The following PTBP3 variants were observed in gnomAD, a reference collection of about 807,000 sequenced individuals.
PTBP3 encodes polypyrimidine tract binding protein 3.
In PTBP3, 20 loss-of-function variants were observed where a neutral mutation model predicts 58.7. The ratio of observed to expected loss-of-function variants is 0.34; its 90% CI spans 0.24 to 0.50. The LOEUF is 0.50. PTBP3 is among the 20% of genes least tolerant of loss of function. The pLI is 0.98. For missense variants in PTBP3, 509 were observed against 637.2 expected, an observed-to-expected ratio of 0.80 and a Z score of 2.17; for synonymous variants, 185 against 219.8, an observed-to-expected ratio of 0.84 and a Z score of 1.40.
chr9:112,340,893 TA>T, the PTBP3 span, among the ~76,000 whole-genome samples: 2 of 73,634 alleles, frequency 2.7e-5, no homozygotes, highest in Admixed American at 1.3e-4. Context: ...AAAAAATAAA[TA>T]AAATAAAATA....
At chr9:112,310,447 C>A (rs920680467) in intron 1 of PTBP3, among the ~76,000 whole-genome samples, 2 of 152,188 alleles carry the variant, frequency 1.3e-5, no homozygotes, top group Non-Finnish European at 2.9e-5. Flanking sequence ...TCTTACCATA[C>A]AGGTATAGCC....
At chr9:112,360,125 C>T in the PTBP3 span, among the ~76,000 whole-genome samples, 6 of 152,296 alleles carry the variant, frequency 3.9e-5, no homozygotes, top group African/African-American at 1.4e-4. Context: ...AGGCACAGCT[C>T]GGAGTTCTAC....
At chr9:112,359,505 G>A in the PTBP3 span, among the ~76,000 whole-genome samples, 1 of 150,422 alleles carries the variant, frequency 6.6e-6, no homozygotes, top group South Asian at 2.1e-4. Context: ...TACTAGGTAA[G>A]CCAAAGACAG....
intron 1 of PTBP3, among the ~76,000 whole-genome samples, chr9:112,323,425 T>G (rs780578997): frequency 1.1e-4 from 17 of 152,160 alleles, no homozygotes; most frequent in Non-Finnish European, 1.9e-4. Context: ...AAGCTTTTCT[T>G]TTCTCAAAAA....
intron 3 of PTBP3, among the ~76,000 whole-genome samples, chr9:112,270,863 G>A (rs1827356148): frequency 6.6e-6 from 1 of 152,148 alleles, no homozygotes; most frequent in Non-Finnish European, 1.5e-5. Flanking sequence ...TGTAGCCCAG[G>A]CTGGAGAGCA....
At chr9:112,280,596 A>C (rs766814366) in intron 2 of PTBP3, among the ~76,000 whole-genome samples, 1 of 152,168 alleles carries the variant, frequency 6.6e-6, no homozygotes, top group Non-Finnish European at 1.5e-5. Context: ...TCACAAAAGG[A>C]GTTGAATTCT....
rs77807419 is a variant in PTBP3, at chr9:112,321,833, G to A, written c.-52+11637C>T. On this transcript the variant is annotated intron_variant, in intron 1 of 13. Transcript: ENST00000374257. ...TACTTCCCTAGGCTTTACCCTCCAG[G>A]AACCCTACACCAAGTTCTCAAGGTG... 6.4e-4 allele frequency among the ~76,000 whole-genome samples: 97 copies of A among 152,100 alleles called. 1 individual carries two copies. In the East Asian group the frequency reaches 0.015, roughly 24 times the overall value.
In PTBP3 at chr9:112,252,787, A is replaced by G; in HGVS notation, c.518T>C (p.Ile173Thr). ...YPVTLEVLHQ[I>T]FSKFGTVLKI... ...CAAGACTGTGCCAAATTTAGAAAATATCTGGAAAACAGTTCACATTAGGTT... is the reference window on the plus strand; with the variant it reads ...CAAGACTGTGCCAAATTTAGAAAATGTCTGGAAAACAGTTCACATTAGGTT... Residue 173 changes from isoleucine to threonine, a missense_variant and splice_region_variant, in exon 6 of 14, where the codon ATA becomes ACA. Ile to Thr is a moderately conservative substitution (Grantham distance 89, BLOSUM62 -1). This residue lies in a region of PTBP3 where 212 missense variants were observed against 215.3 expected (regional missense o/e 0.98). Transcript: ENST00000374257. 6.4e-7 allele frequency: 1 copy of G among 1,551,338 alleles called. No homozygotes were observed. Among genetic ancestry groups the G allele is most frequent in the Non-Finnish European group, 8.9e-7 (1 of 1,125,112 alleles).
intron 2 of PTBP3, among the ~76,000 whole-genome samples, chr9:112,283,307 G>A (rs1488509439): frequency 2.0e-5 from 3 of 152,178 alleles, no homozygotes; most frequent in Non-Finnish European, 4.4e-5. Flanking sequence ...GGAAACTTTG[G>A]AACTTCCTAG....
chr9:112,309,799 A>AAT (rs1564453723), intron 1 of PTBP3, among the ~76,000 whole-genome samples: 2 of 151,436 alleles, frequency 1.3e-5, no homozygotes, highest in African/African-American at 4.9e-5. Context: ...AAAAAAAAAA[A>AAT]AAAAATTGAG....
rs954046916 is a variant in PTBP3, at chr9:112,222,869, C to A, written c.*982G>T. ...TTAGAGATTATAGTGGTACAAAAAA[C>A]CCTTGAGATTAATTTTTTTCTAAAA... On this transcript the variant is annotated 3_prime_UTR_variant, in exon 14 of 14. Coordinates refer to ENST00000374257, the MANE Select transcript of PTBP3 (RefSeq NM_001163788.4). 3 of 890,630 alleles carry A rather than the reference C, an allele frequency of 3.4e-6. No individual in the cohort carries two copies. In the African/African-American group the frequency reaches 5.4e-5, roughly 16 times the overall value. 55.2% of individuals were successfully genotyped at this position (890,630 alleles called of 1,614,324 possible).
At chr9:112,262,668 G>A (rs1836648223) in intron 4 of PTBP3, 69 bp from the exon 5 acceptor site, 5 of 1,374,990 alleles carry the variant, frequency 3.6e-6, no homozygotes, top group Admixed American at 3.0e-5. Flanking sequence ...AAATTTAGTT[G>A]ACATAAAACA....
chr9:112,251,852 G>A (rs574866876), intron 6 of PTBP3, among the ~76,000 whole-genome samples: 10 of 152,040 alleles, frequency 6.6e-5, no homozygotes, highest in Non-Finnish European at 8.8e-5. Context: ...GTATGCCATC[G>A]TAAAGGTACA....
the PTBP3 span, among the ~76,000 whole-genome samples, chr9:112,355,768 C>A: frequency 2.0e-5 from 3 of 151,726 alleles, no homozygotes; most frequent in African/African-American, 7.2e-5. Context: ...TACAGGCATG[C>A]GCCACCGCGC....
intron 1 of PTBP3, among the ~76,000 whole-genome samples, chr9:112,333,185 G>A (rs1473822343): frequency 3.3e-5 from 5 of 152,154 alleles, no homozygotes; most frequent in Admixed American, 1.3e-4. Context: ...CACCGCGGCC[G>A]GACCGGGCTT....
chr9:112,234,933 C>T (rs1489877494), intron 7 of PTBP3, 36 bp from the exon 8 acceptor site: 23 of 1,523,066 alleles, frequency 1.5e-5, no homozygotes, highest in Middle Eastern at 1.7e-4. Flanking sequence ...AACACACTAC[C>T]TTCTATAAAT....
At chr9:112,248,232 A>G (rs1208527012) in intron 7 of PTBP3, among the ~76,000 whole-genome samples, 1 of 152,226 alleles carries the variant, frequency 6.6e-6, no homozygotes, top group Non-Finnish European at 1.5e-5. Flanking sequence ...TAAAAGTATC[A>G]TTAAGAGAAT....
chr9:112,357,965 A>G, the PTBP3 span, among the ~76,000 whole-genome samples: 1 of 152,098 alleles, frequency 6.6e-6, no homozygotes, highest in African/African-American at 2.4e-5. Flanking sequence ...GTACACTTCA[A>G]TATAGTTAAA....
At position 112,224,165 on chromosome 9, in the gene PTBP3, A is replaced by G; in HGVS notation, c.1410T>C (p.Ala470=). 4 of 1,575,084 alleles carry G rather than the reference A, an allele frequency of 2.5e-6. No individual in the cohort carries two copies. The highest frequency in any genetic ancestry group is 2.2e-5 in the East Asian group (1 of 44,596). ...ATTTAAAAGCCTTCACTGAACATCC[A>G]GCTTCTATGAAAAGGTTCTTCAGAT... ...VDDLKNLFIE[A]GCSVKAFKFF... is the part of the protein sequence containing the mutation. The change falls in exon 13 of 14, where the codon GCT becomes GCC. Residue 470 remains alanine, a synonymous_variant. Coordinates refer to ENST00000374257, the MANE Select transcript of PTBP3 (RefSeq NM_001163788.4).
Sources: gnomAD v4.1 joint callset for allele counts (sites outside exome capture counted in the v4.1 genomes callset) on GRCh38, gnomAD v4.1.1 for gene constraint, gnomAD v4.1.1 regional missense constraint, MANE v1.5 for transcripts, NCBI Gene and HGNC (gene_info 2026-07-23, HGNC 2026-07-21) for gene names.